Variants in DCAF6 observed in about 807,000 individuals in gnomAD.
DCAF6 encodes the protein DDB1- and CUL4-associated factor 6.
Under a neutral mutation model 125.1 loss-of-function variants are expected in DCAF6, and 54 were observed. That is an observed-to-expected ratio of 0.43 (90% CI 0.35 to 0.54). DCAF6 has a LOEUF of 0.54. Ranked by LOEUF, DCAF6 falls within the 20% of genes least tolerant of loss-of-function variation. The pLI is 0.01. For synonymous variants in DCAF6, 371 were observed against 390.4 expected, an observed-to-expected ratio of 0.95 and a Z score of 0.58; for missense variants, 934 against 1,161.7, an observed-to-expected ratio of 0.80 and a Z score of 2.85.
intron 2 of DCAF6, among the ~76,000 whole-genome samples, chr1:167,952,313 G>C (rs1333603749): frequency 6.6e-6 from 1 of 152,060 alleles, no homozygotes; most frequent in Admixed American, 6.5e-5. Context: ...CGCCTCCCGG[G>C]TTCACGTCAT....
chr1:167,866,423 A>T, the DCAF6 span, among the ~76,000 whole-genome samples: 1 of 150,682 alleles, frequency 6.6e-6, no homozygotes, highest in South Asian at 2.1e-4. Context: ...GATAAATTAT[A>T]TCTATTACAA....
intron 2 of DCAF6, among the ~76,000 whole-genome samples, chr1:167,955,074 A>G (rs547548159): frequency 6.6e-6 from 1 of 152,256 alleles, no homozygotes; most frequent in South Asian, 2.1e-4. Context: ...TAGAATAATT[A>G]TTTTGGGATT....
intron 3 of DCAF6, among the ~76,000 whole-genome samples, chr1:167,974,285 A>G (rs1677798194): frequency 6.6e-6 from 1 of 152,098 alleles, no homozygotes. Flanking sequence ...TTAGTCCTTT[A>G]TCTGCAACAA....
chr1:168,005,400 C>T (rs1683209290), intron 10 of DCAF6, among the ~76,000 whole-genome samples: 1 of 151,866 alleles, frequency 6.6e-6, no homozygotes. Context: ...ATTTTTTTCT[C>T]AGTATTATAA....
chr1:167,881,737 A>G, the DCAF6 span, among the ~76,000 whole-genome samples: 1 of 152,236 alleles, frequency 6.6e-6, no homozygotes, highest in African/African-American at 2.4e-5. Flanking sequence ...GGAATAAACC[A>G]AGGCTCAGAG....
Position 168,045,077 on chromosome 1 carries a change from A to G in DCAF6, c.2108A>G (p.Asn703Ser), listed in dbSNP as rs201322254. The change falls in exon 16 of 22, where the codon AAT (asparagine) becomes AGT (serine). Residue 703 changes from asparagine (N) to serine (S), a missense_variant. Physicochemically the swap from Asn to Ser is conservative, Grantham distance 46. Around this residue, in one of 5 missense-constraint regions of DCAF6, gnomAD observed 559 missense variants for 635.5 expected, o/e 0.88. Transcript: ENST00000367840. ...TESATNENNT[N>S]PEPQFQTEAT... ...AGTGCTACCAATGAAAATAACACCA[A>G]TCCTGAGCCTCAGTTCCAAACAGAA... The G allele has an allele frequency of 1.5e-5, 24 of 1,613,864 alleles. No homozygotes were observed. The highest frequency in any genetic ancestry group is 5.0e-5 in the Admixed American group (3 of 59,940).
chr1:167,891,581 G>C, the DCAF6 span, among the ~76,000 whole-genome samples: 32,357 of 150,736 alleles, frequency 0.21, 3,557 homozygotes, highest in Middle Eastern at 0.26. Context: ...GCATGAACCC[G>C]GGAGGCGGAG....
At chr1:167,900,404 T>G in the DCAF6 span, among the ~76,000 whole-genome samples, 5 of 152,182 alleles carry the variant, frequency 3.3e-5, no homozygotes, top group African/African-American at 1.2e-4. Context: ...CCAATCAGCA[T>G]GCAAGAGGGG....
intron 21 of DCAF6, among the ~76,000 whole-genome samples, chr1:168,073,976 T>A (rs933435585): frequency 6.7e-6 from 1 of 148,526 alleles, no homozygotes; most frequent in Non-Finnish European, 1.5e-5. Flanking sequence ...TGAATACATA[T>A]TTATAAAATA....
chr1:168,056,957 T>G (rs909061005), intron 17 of DCAF6, among the ~76,000 whole-genome samples: 2 of 152,218 alleles, frequency 1.3e-5, no homozygotes, highest in African/African-American at 2.4e-5. Flanking sequence ...TATTCAAAAT[T>G]CGCCAGCTAT....
At chr1:167,906,303 A>G in the DCAF6 span, among the ~76,000 whole-genome samples, 267 of 152,230 alleles carry the variant, frequency 1.8e-3, no homozygotes, top group African/African-American at 6.2e-3. Context: ...TTTAAAAGGA[A>G]AAGTCCTGGC....
chr1:167,903,892 A>C, the DCAF6 span: 1 of 1,609,346 alleles, frequency 6.2e-7, no homozygotes, highest in South Asian at 1.1e-5. Flanking sequence ...CTTACTCTCC[A>C]CTATTGCACT....
At position 167,957,161 on chromosome 1, in the gene DCAF6, A is replaced by G. The variant is rs141284222; in HGVS notation, c.159+5300A>G. ...AAAACTGACGCATCTTAAGTGTTCA[A>G]TTCGGTGGTTTTTAGTGTATTTGTA... is the stretch of plus-strand genomic sequence containing the variant. On this transcript the variant is annotated intron_variant, in intron 2 of 21. Coordinates refer to ENST00000367840, the MANE Select transcript of DCAF6 (RefSeq NM_001198956.2). Among the ~76,000 whole-genome samples the G allele has an allele frequency of 9.2e-5, 14 of 152,086 alleles. No individual in the cohort carries two copies. In the East Asian group the frequency reaches 2.5e-3, roughly 27 times the overall value.
At chr1:167,991,792 A>ACTCTC (rs1354967918) in intron 6 of DCAF6, among the ~76,000 whole-genome samples, 6 of 151,756 alleles carry the variant, frequency 4.0e-5, no homozygotes, top group Non-Finnish European at 8.8e-5. Context: ...TTTACATGCA[A>ACTCTC]TTTTCCCTGT....
chr1:167,998,074 T>TC (rs1682015516), intron 7 of DCAF6, among the ~76,000 whole-genome samples: 1 of 152,192 alleles, frequency 6.6e-6, no homozygotes, highest in Non-Finnish European at 1.5e-5. Flanking sequence ...ATACTTCTCC[T>TC]CCCAGATATA....
At chr1:167,928,636 A>G in the DCAF6 span, among the ~76,000 whole-genome samples, 1 of 152,260 alleles carries the variant, frequency 6.6e-6, no homozygotes, top group Non-Finnish European at 1.5e-5. Flanking sequence ...AATAGTGACA[A>G]TACAATGTCA....
chr1:167,984,786 C>T (rs917185617), intron 4 of DCAF6, among the ~76,000 whole-genome samples: 5 of 151,980 alleles, frequency 3.3e-5, no homozygotes, highest in African/African-American at 1.2e-4. Context: ...AAAATTGGTT[C>T]AATTGAAGCA....
Position 168,063,644 on chromosome 1 carries a change from A to C in DCAF6, c.2324A>C (p.Gln775Pro). 6.3e-7 allele frequency: 1 copy of C among 1,598,106 alleles called. No homozygotes were observed. The highest frequency in any genetic ancestry group is 8.5e-7 in the Non-Finnish European group (1 of 1,173,510). Residue 775 changes from glutamine (Q) to proline (P), a missense_variant, in exon 18 of 22, where the codon CAG becomes CCG. Physicochemically the swap from Gln to Pro is moderately conservative, Grantham distance 76 (BLOSUM62 -1). This residue lies in a region of DCAF6 where 559 missense variants were observed against 635.5 expected (regional missense o/e 0.88). Transcript: ENST00000367840. ...IMRRSAVARI[Q>P]EFFRRRKERK... Reference sequence around the variant, plus strand: ...AGACGCTCTGCTGTTGCCCGTATTCAGGAGTTCTTCAGACGGAGAAAAGAA... The same window carrying C: ...AGACGCTCTGCTGTTGCCCGTATTCCGGAGTTCTTCAGACGGAGAAAAGAA...
chr1:167,998,322 A>G lies in DCAF6; in HGVS notation c.904-4160A>G, dbSNP rs558273224. Among the ~76,000 whole-genome samples, 3 of 152,268 alleles carry G rather than the reference A, an allele frequency of 2.0e-5. No homozygotes were observed. In the East Asian group the frequency reaches 5.8e-4, roughly 29 times the overall value. The stretch of plus-strand genomic sequence containing the variant: ...GCTAACAATCATCTGAACCTCAGTA[A>G]GTTGTATTCTTTTTGCTGGTGGAGG... On this transcript the variant is annotated intron_variant, in intron 7 of 21. Coordinates refer to ENST00000367840, the MANE Select transcript of DCAF6 (RefSeq NM_001198956.2).
Sources: gnomAD v4.1 joint callset for allele counts (sites outside exome capture counted in the v4.1 genomes callset) on GRCh38, gnomAD v4.1.1 for gene constraint, gnomAD v4.1.1 regional missense constraint, MANE v1.5 for transcripts, NCBI Gene and HGNC (gene_info 2026-07-23, HGNC 2026-07-21) for gene names.